The following IQSEC1 variants were observed in gnomAD, a reference collection of about 807,000 sequenced individuals.
IQSEC1 encodes the protein IQ motif and Sec7 domain ArfGEF 1.
In IQSEC1, 31 loss-of-function variants were observed where a neutral mutation model predicts 91.0. That is an observed-to-expected ratio of 0.34 (90% CI 0.26 to 0.46). IQSEC1 has a LOEUF of 0.46. Among genes scored for constraint, IQSEC1 ranks in the 20% least tolerant of loss-of-function variants. IQSEC1 has a pLI of 1.00. For synonymous variants in IQSEC1, 699 were observed against 662.6 expected (o/e 1.05, Z -0.84); for missense variants, 1,388 against 1,575.6 (o/e 0.88, Z 2.02).
At chr3:13,222,664 G>A (rs995071566) in intron 1 of IQSEC1, among the ~76,000 whole-genome samples, 1 of 152,198 alleles carries the variant, frequency 6.6e-6, no homozygotes, top group Non-Finnish European at 1.5e-5. Context: ...AGACGCTGGG[G>A]GCCAAGCTCG....
Position 12,898,809 on chromosome 3 carries a change from G to A in IQSEC1, c.*2174C>T, listed in dbSNP as rs949527368. ...GAGCGCAGCCTCACAGCTGACGCCA[G>A]ATGACATGCAGCAGTTTAACGCTTC... is the stretch of plus-strand genomic sequence containing the variant. On this transcript the variant is annotated 3_prime_UTR_variant, in exon 14 of 14. Coordinates refer to ENST00000613206, the MANE Select transcript of IQSEC1 (RefSeq NM_001134382.3). The A allele has an allele frequency of 1.3e-5, 2 of 153,356 alleles. No individual in the cohort carries two copies. The highest frequency in any genetic ancestry group is 6.5e-5 in the Admixed American group (1 of 15,426). The allele number at this position is 153,356 out of a possible 1,614,324, so 9.5% of individuals were successfully genotyped here. A position where few individuals can be genotyped will look rare whatever the true frequency, so the allele number is the denominator to read the frequency against.
At chr3:12,920,648 C>A in intron 5 of IQSEC1, 52 bp from the exon 6 acceptor site, 2 of 1,579,452 alleles carry the variant, frequency 1.3e-6, no homozygotes, top group Non-Finnish European at 1.7e-6. Flanking sequence ...AGTGACACGG[C>A]CCCTCTCTCA....
chr3:12,993,518 G>A (rs1392350077), intron 1 of IQSEC1, among the ~76,000 whole-genome samples: 1 of 152,132 alleles, frequency 6.6e-6, no homozygotes, highest in African/African-American at 2.4e-5. Flanking sequence ...CGGGGGGTGG[G>A]GAATGCTTTG....
At chr3:13,260,521 T>A (rs1348545554) in intron 1 of IQSEC1, among the ~76,000 whole-genome samples, 1 of 152,196 alleles carries the variant, frequency 6.6e-6, no homozygotes, top group Non-Finnish European at 1.5e-5. Context: ...AACAGGTGCA[T>A]CTGGCAAAGA....
At chr3:13,175,651 C>T (rs141033408) in intron 1 of IQSEC1, among the ~76,000 whole-genome samples, 318 of 152,356 alleles carry the variant, frequency 2.1e-3, no homozygotes, top group Admixed American at 0.011. Flanking sequence ...AAATGCCATA[C>T]GCTGGCTGGC....
intron 1 of IQSEC1, among the ~76,000 whole-genome samples, chr3:13,179,351 T>C (rs557011971): frequency 1.8e-4 from 28 of 152,128 alleles, no homozygotes; most frequent in Middle Eastern, 6.8e-3. Flanking sequence ...AAAAGAGACA[T>C]TAACTATAGA....
At position 13,185,865 on chromosome 3, in the gene IQSEC1, A is replaced by G. The variant is rs1390120784; in HGVS notation, c.273-21732T>C. ...CATCCTGGATGCCACTGGCTGGCCC[A>G]CTTTTCTGGGCATATTTCTCTTCAT... On this transcript the variant is annotated intron_variant, in intron 1 of 15. Transcript: ENST00000648114. 2.6e-5 allele frequency among the ~76,000 whole-genome samples: 4 copies of G among 152,364 alleles called. No individual in the cohort carries two copies. The East Asian group carries it at 5.8e-4, about 22-fold the overall frequency.
chr3:12,917,928 T>C (rs962202087), intron 6 of IQSEC1, among the ~76,000 whole-genome samples: 1 of 152,224 alleles, frequency 6.6e-6, no homozygotes, highest in African/African-American at 2.4e-5. Flanking sequence ...CCCCCAGGGC[T>C]CTCCCGCTGC....
At chr3:13,170,335 C>T (rs1693582936) in intron 1 of IQSEC1, among the ~76,000 whole-genome samples, 1 of 152,236 alleles carries the variant, frequency 6.6e-6, no homozygotes, top group African/African-American at 2.4e-5. Context: ...GCATGGATGC[C>T]CAGGCAGAAG....
intron 1 of IQSEC1, among the ~76,000 whole-genome samples, chr3:12,949,525 A>G (rs1699400736): frequency 6.6e-6 from 1 of 152,220 alleles, no homozygotes; most frequent in Non-Finnish European, 1.5e-5. Context: ...GGCTTCCCCT[A>G]TACTCTGCTT....
At chr3:12,937,849 A>G (rs923472342) in intron 2 of IQSEC1, among the ~76,000 whole-genome samples, 10 of 152,200 alleles carry the variant, frequency 6.6e-5, no homozygotes, top group African/African-American at 2.2e-4. Context: ...AGAGGCCTTC[A>G]GGCTCTGGAG....
At chr3:13,261,870 GA>G (rs780413532) in intron 1 of IQSEC1, among the ~76,000 whole-genome samples, 1 of 152,242 alleles carries the variant, frequency 6.6e-6, no homozygotes, top group Non-Finnish European at 1.5e-5. Context: ...AGGTGAGCCA[GA>G]AGCCAACGTA....
At chr3:13,134,672 G>T (rs1161606161) in intron 2 of IQSEC1, among the ~76,000 whole-genome samples, 1 of 152,174 alleles carries the variant, frequency 6.6e-6, no homozygotes, top group Non-Finnish European at 1.5e-5. Flanking sequence ...TGAAAGGCAG[G>T]AGTTTCCAGG....
chr3:13,148,876 C>T lies in IQSEC1; in HGVS notation c.302+15228G>A, dbSNP rs542191647. 1.2e-4 allele frequency among the ~76,000 whole-genome samples: 19 copies of T among 152,386 alleles called. No homozygotes were observed. In the South Asian group the frequency reaches 3.3e-3, roughly 27 times the overall value. ...AATGCAGCCCTGGAGCAGGGGCTGG[C>T]GAGACCCCCTGAAGGGTAACCTCTC... is the stretch of plus-strand genomic sequence containing the variant. On this transcript the variant is annotated intron_variant, in intron 2 of 15. Coordinates refer to the IQSEC1 transcript ENST00000648114.
chr3:13,139,817 C>T (rs1381482791), intron 2 of IQSEC1, among the ~76,000 whole-genome samples: 1 of 152,172 alleles, frequency 6.6e-6, no homozygotes, highest in Non-Finnish European at 1.5e-5. Context: ...TACAATGCAC[C>T]TGGGGCCATG....
chr3:13,259,550 G>A lies in IQSEC1; in HGVS notation c.272+23161C>T, dbSNP rs977439876. On this transcript the variant is annotated intron_variant, in intron 1 of 15. Transcript: ENST00000648114. This position sits in a 1 kb window ranked among gnomAD's most constrained non-coding sequence, Gnocchi z 4.6. ...GCCGACTCCCCAAGGCCTTCGAGGCGGGCTGATGGATGCAGTGTTTAAGCC... is the reference window on the plus strand; with the variant it reads ...GCCGACTCCCCAAGGCCTTCGAGGCAGGCTGATGGATGCAGTGTTTAAGCC... Among the ~76,000 whole-genome samples, 13 of 152,190 alleles carry A rather than the reference G, an allele frequency of 8.5e-5. No individual in the cohort carries two copies. Among genetic ancestry groups the A allele is most frequent in the Non-Finnish European group, 1.5e-4 (10 of 68,044 alleles).
At position 12,909,865 on chromosome 3, in the gene IQSEC1, G is replaced by T. The variant is rs1695398330; in HGVS notation, c.2417-431C>A. On this transcript the variant is annotated intron_variant, in intron 10 of 13. Coordinates refer to ENST00000613206, the MANE Select transcript of IQSEC1 (RefSeq NM_001134382.3). The surrounding 1 kb of genome is among the most constrained non-coding windows in gnomAD (Gnocchi z 4.9). Reference sequence around the variant, plus strand: ...AGGAACCCTGTGCCCAGACCTGCCTGGTGCCACCTCCGGGCTCTCAGGGTC... The same window carrying T: ...AGGAACCCTGTGCCCAGACCTGCCTTGTGCCACCTCCGGGCTCTCAGGGTC... Among the ~76,000 whole-genome samples the T allele has an allele frequency of 6.6e-6, 1 of 152,234 alleles. No individual in the cohort carries two copies.
At chr3:13,041,603 C>T (rs781356874) in intron 1 of IQSEC1, among the ~76,000 whole-genome samples, 18 of 152,140 alleles carry the variant, frequency 1.2e-4, no homozygotes, top group Admixed American at 2.0e-4. Flanking sequence ...CCTGCTGGCC[C>T]GGATGTGGTT....
chr3:12,932,320 G>A (rs1697750942), intron 3 of IQSEC1, among the ~76,000 whole-genome samples: 1 of 152,194 alleles, frequency 6.6e-6, no homozygotes, highest in African/African-American at 2.4e-5. Flanking sequence ...ACCCAGTGAG[G>A]AGGTAGGGAG....
Sources: allele counts gnomAD v4.1 joint callset (sites outside exome capture counted in the v4.1 genomes callset), GRCh38; gene constraint gnomAD v4.1.1; non-coding constraint Gnocchi (gnomAD v3.1); transcripts MANE v1.5; gene names NCBI Gene and HGNC (gene_info 2026-07-23, HGNC 2026-07-21).